The following PKN2 variants were observed in gnomAD, a reference collection of about 807,000 sequenced individuals.
PKN2 encodes the protein protein kinase N2.
PKN2 carries 38 observed loss-of-function variants against 119.1 expected under a neutral mutation model. The ratio of observed to expected loss-of-function variants is 0.32; its 90% CI spans 0.25 to 0.42. PKN2 has a LOEUF of 0.42. PKN2 is among the 10% of genes least tolerant of loss of function. The pLI, the probability that PKN2 is intolerant of heterozygous loss-of-function variation, is 1.00. For synonymous variants in PKN2, 390 were observed against 384.9 expected (o/e 1.01, Z -0.15); for missense variants, 850 against 1,165.1 (o/e 0.73, Z 3.94).
rs1288573474 is a variant in PKN2, at chr1:88,732,930, T to C, written c.49-8058T>C. On this transcript the variant is annotated intron_variant, in intron 1 of 21. Transcript: ENST00000370521. Reference sequence around the variant, plus strand: ...GACAAATACCACATGATCTCATTCATAGGTGGAATCTAAAAGGTTGTTCTC... The same window carrying C: ...GACAAATACCACATGATCTCATTCACAGGTGGAATCTAAAAGGTTGTTCTC... 2.6e-5 allele frequency among the ~76,000 whole-genome samples: 4 copies of C among 152,142 alleles called. No homozygotes were observed. The East Asian group carries it at 5.8e-4, about 22-fold the overall frequency.
intron 16 of PKN2, among the ~76,000 whole-genome samples, chr1:88,816,560 T>C (rs1557632014): frequency 6.6e-6 from 1 of 152,202 alleles, no homozygotes; most frequent in Non-Finnish European, 1.5e-5. Flanking sequence ...TTAAGCAATT[T>C]TAAGCTCACG....
At chr1:88,813,139 C>T (rs1382146770) in intron 15 of PKN2, among the ~76,000 whole-genome samples, 1 of 152,084 alleles carries the variant, frequency 6.6e-6, no homozygotes, top group Non-Finnish European at 1.5e-5. Flanking sequence ...AAATTGAATA[C>T]TATAGCTTGT....
At chr1:88,686,187 A>G (rs1308802607) in intron 1 of PKN2, among the ~76,000 whole-genome samples, 1 of 152,164 alleles carries the variant, frequency 6.6e-6, no homozygotes, top group Non-Finnish European at 1.5e-5. Context: ...CAAGTCAGAA[A>G]TACTTTACAT....
At chr1:88,800,655 GAACACTTCGAGAA>G in intron 8 of PKN2, among the ~76,000 whole-genome samples, 1 of 152,312 alleles carries the variant, frequency 6.6e-6, no homozygotes, top group Admixed American at 6.5e-5. Context: ...GCTCCTCAGT[GAACACTTCGAGAA>G]CCTCAGCATT....
intron 6 of PKN2, among the ~76,000 whole-genome samples, chr1:88,774,448 C>T (rs1053278027): frequency 4.6e-5 from 7 of 152,114 alleles, no homozygotes; most frequent in African/African-American, 1.7e-4. Context: ...TAGAGGCCCA[C>T]CATGAGTCAC....
intron 2 of PKN2, among the ~76,000 whole-genome samples, chr1:88,753,472 T>G (rs67687365): frequency 0.066 from 10,099 of 152,014 alleles, 693 homozygotes; most frequent in African/African-American, 0.18. Flanking sequence ...CAATCTTTAT[T>G]AGTCTATTCT....
At chr1:88,795,892 C>T (rs1671043399) in intron 8 of PKN2, among the ~76,000 whole-genome samples, 1 of 152,138 alleles carries the variant, frequency 6.6e-6, no homozygotes, top group Non-Finnish European at 1.5e-5. Flanking sequence ...TCCTTTAATT[C>T]TCACACAGCG....
intron 1 of PKN2, among the ~76,000 whole-genome samples, chr1:88,733,254 T>C (rs1668212888): frequency 6.6e-6 from 1 of 152,202 alleles, no homozygotes; most frequent in African/African-American, 2.4e-5. Context: ...TTAAAATTTT[T>C]TGAGTAGCCT....
chr1:88,770,596 T>A, intron 4 of PKN2, 127 bp downstream of exon 4: 1 of 625,826 alleles, frequency 1.6e-6, no homozygotes, highest in Non-Finnish European at 2.8e-6. Flanking sequence ...TTTTTTCTTT[T>A]TTTTTTTGAG....
chr1:88,823,814 G>A (rs1672389121), intron 17 of PKN2, among the ~76,000 whole-genome samples: 2 of 150,246 alleles, frequency 1.3e-5, no homozygotes, highest in African/African-American at 4.9e-5. Flanking sequence ...TTCAAGACCA[G>A]CCTGGCCAAA....
chr1:88,739,961 G>T (rs1174526721), intron 1 of PKN2, among the ~76,000 whole-genome samples: 1 of 151,938 alleles, frequency 6.6e-6, no homozygotes, highest in Non-Finnish European at 1.5e-5. Context: ...CATATCTGTG[G>T]ATTCAACATC....
intron 2 of PKN2, among the ~76,000 whole-genome samples, chr1:88,756,368 C>G (rs928679932): frequency 6.6e-6 from 1 of 152,088 alleles, no homozygotes; most frequent in Non-Finnish European, 1.5e-5. Context: ...ATTTATGTTG[C>G]GACAAAATTT....
At chr1:88,757,539 A>C (rs189198739) in intron 2 of PKN2, among the ~76,000 whole-genome samples, 1 of 152,200 alleles carries the variant, frequency 6.6e-6, no homozygotes, top group Non-Finnish European at 1.5e-5. Flanking sequence ...TAGTCACACC[A>C]TCTTATATTG....
chr1:88,728,006 T>C (rs2100719976), intron 1 of PKN2, among the ~76,000 whole-genome samples: 1 of 144,464 alleles, frequency 6.9e-6, no homozygotes, highest in Non-Finnish European at 1.5e-5. Context: ...AGAGCAGGTT[T>C]TTCTTGGGGC....
chr1:88,693,060 A>G (rs1200284293), intron 1 of PKN2, among the ~76,000 whole-genome samples: 1 of 152,228 alleles, frequency 6.6e-6, no homozygotes. Context: ...TGATTTAGTT[A>G]ATGAGTAAAT....
chr1:88,717,422 T>A (rs1040915009), intron 1 of PKN2, among the ~76,000 whole-genome samples: 3 of 152,168 alleles, frequency 2.0e-5, no homozygotes, highest in African/African-American at 7.2e-5. Flanking sequence ...CCCATCACTT[T>A]CAGGTACACC....
chr1:88,814,932 A>G (rs1024476027), intron 16 of PKN2, among the ~76,000 whole-genome samples: 1 of 152,178 alleles, frequency 6.6e-6, no homozygotes, highest in Non-Finnish European at 1.5e-5. Context: ...TGTCATAACC[A>G]TTAGAGGTAT....
At chr1:88,806,721 GGTTTT>G (rs1306694251) in intron 12 of PKN2, among the ~76,000 whole-genome samples, 2 of 151,648 alleles carry the variant, frequency 1.3e-5, no homozygotes, top group African/African-American at 4.8e-5. Context: ...TCATTGTTTT[GGTTTT>G]GTTTTGTTTT....
chr1:88,820,693 C>T (rs753482993), intron 16 of PKN2, among the ~76,000 whole-genome samples: 7 of 151,836 alleles, frequency 4.6e-5, no homozygotes, highest in Non-Finnish European at 8.8e-5. Flanking sequence ...TCTGTATGAA[C>T]GGCAGTGGAA....
Sources: allele counts gnomAD v4.1 joint callset (sites outside exome capture counted in the v4.1 genomes callset), GRCh38; gene constraint gnomAD v4.1.1; transcripts MANE v1.5; gene names NCBI Gene and HGNC (gene_info 2026-07-23, HGNC 2026-07-21).